DGKI: variants seen among roughly 807,000 people sequenced by gnomAD.
The protein encoded by DGKI is DAG kinase iota.
A neutral mutation model predicts 147.5 loss-of-function variants in DGKI; 55 were observed. That is an observed-to-expected ratio of 0.37 (90% CI 0.30 to 0.47). DGKI has a LOEUF of 0.47. DGKI is among the 20% of genes least tolerant of loss of function. DGKI has a pLI of 1.00. For synonymous variants in DGKI, 469 were observed against 477.1 expected (o/e 0.98, Z 0.22); for missense variants, 1,007 against 1,323.8 (o/e 0.76, Z 3.71).
chr7:137,840,134 G>A (rs1798505227), intron 1 of DGKI, among the ~76,000 whole-genome samples: 2 of 152,200 alleles, frequency 1.3e-5, no homozygotes, highest in South Asian at 2.1e-4. Flanking sequence ...CAGGACACTC[G>A]TGAGCCATTC....
At chr7:137,834,135 A>G (rs1187476642) in intron 1 of DGKI, among the ~76,000 whole-genome samples, 2 of 152,214 alleles carry the variant, frequency 1.3e-5, no homozygotes, top group African/African-American at 4.8e-5. Context: ...AGTTCTTGGC[A>G]AGTAGGACCT....
intron 21 of DGKI, among the ~76,000 whole-genome samples, chr7:137,520,399 G>A (rs1041250682): frequency 6.6e-6 from 1 of 151,940 alleles, no homozygotes; most frequent in Non-Finnish European, 1.5e-5. Flanking sequence ...ACTTCCCATC[G>A]CAAAAATATA....
intron 24 of DGKI, among the ~76,000 whole-genome samples, chr7:137,469,075 T>A (rs192585244): frequency 6.6e-6 from 1 of 152,220 alleles, no homozygotes; most frequent in African/African-American, 2.4e-5. Flanking sequence ...CAATATATCA[T>A]GCGGATCTGA....
In DGKI at chr7:137,565,037, A is replaced by G. The variant is rs1378974091; in HGVS notation, c.1947+6138T>C. Among the ~76,000 whole-genome samples the G allele has an allele frequency of 2.0e-5, 3 of 152,384 alleles. No homozygotes were observed. In the East Asian group the frequency reaches 5.8e-4, roughly 29 times the overall value. The stretch of plus-strand genomic sequence containing the variant: ...AAAAATAATTCTATAATTTTTAGTA[A>G]GAGGCTTCAAAATGCTTATGTCATT... On this transcript the variant is annotated intron_variant, in intron 19 of 32. Coordinates refer to ENST00000614521, the MANE Select transcript of DGKI (RefSeq NM_001321708.2).
chr7:137,638,185 ACTC>A (rs1563124830), intron 6 of DGKI, among the ~76,000 whole-genome samples: 1 of 150,618 alleles, frequency 6.6e-6, no homozygotes, highest in South Asian at 2.1e-4. Flanking sequence ...TGGCTTCACA[ACTC>A]CTCCTTTTCA....
chr7:137,443,077 T>C (rs1263168492), intron 28 of DGKI, among the ~76,000 whole-genome samples: 1 of 152,090 alleles, frequency 6.6e-6, no homozygotes, highest in Non-Finnish European at 1.5e-5. Flanking sequence ...GATGTAGAAT[T>C]AGATGTATTG....
intron 10 of DGKI, among the ~76,000 whole-genome samples, chr7:137,606,420 C>A (rs1820187497): frequency 1.3e-5 from 2 of 152,004 alleles, no homozygotes; most frequent in South Asian, 4.2e-4. Flanking sequence ...TATTAAAAGG[C>A]AAAACTCAAG....
chr7:137,611,016 A>C (rs1820345258), intron 8 of DGKI, among the ~76,000 whole-genome samples: 1 of 152,162 alleles, frequency 6.6e-6, no homozygotes, highest in South Asian at 2.1e-4. Context: ...GTCATTCCTC[A>C]TCACTCACTG....
At chr7:137,840,295 A>T (rs1585556899) in intron 1 of DGKI, among the ~76,000 whole-genome samples, 2 of 152,218 alleles carry the variant, frequency 1.3e-5, no homozygotes, top group South Asian at 4.1e-4. Context: ...AGTCAATCAG[A>T]TGAGCTGGAA....
At chr7:137,810,777 A>T (rs1249887392) in intron 1 of DGKI, among the ~76,000 whole-genome samples, 2 of 152,120 alleles carry the variant, frequency 1.3e-5, no homozygotes, top group Non-Finnish European at 2.9e-5. Context: ...TGTGGCAAAT[A>T]AACATTCCAT....
chr7:137,745,085 CT>C (rs1256970584), intron 1 of DGKI, among the ~76,000 whole-genome samples: 4 of 152,092 alleles, frequency 2.6e-5, no homozygotes, highest in East Asian at 1.9e-4. Context: ...CACGTGCCCC[CT>C]GAATCTAAAA....
chr7:137,808,095 A>G (rs753168075), intron 1 of DGKI, among the ~76,000 whole-genome samples: 3 of 152,156 alleles, frequency 2.0e-5, no homozygotes, highest in Admixed American at 1.3e-4. Flanking sequence ...CCAGTTGTTC[A>G]TGTTGATATT....
chr7:137,765,444 T>C (rs1443681840), intron 1 of DGKI, among the ~76,000 whole-genome samples: 1 of 152,272 alleles, frequency 6.6e-6, no homozygotes, highest in African/African-American at 2.4e-5. Flanking sequence ...TCCAGTTTTG[T>C]GTCTGCCACA....
At chr7:137,481,353 T>G (rs1215683485) in intron 23 of DGKI, among the ~76,000 whole-genome samples, 1 of 152,118 alleles carries the variant, frequency 6.6e-6, no homozygotes, top group Non-Finnish European at 1.5e-5. Flanking sequence ...TCAAAGTAGG[T>G]GGCCTCAGAA....
intron 14 of DGKI, among the ~76,000 whole-genome samples, chr7:137,582,856 C>A: frequency 6.6e-6 from 1 of 152,222 alleles, no homozygotes; most frequent in Admixed American, 6.5e-5. Context: ...TTTCCTTCTG[C>A]GACTCAAGTG....
At chr7:137,507,673 TGG>T (rs1816414894) in intron 21 of DGKI, among the ~76,000 whole-genome samples, 1 of 152,186 alleles carries the variant, frequency 6.6e-6, no homozygotes, top group Non-Finnish European at 1.5e-5. Context: ...TTTCTGGTGC[TGG>T]GGACAACTCT....
chr7:137,665,484 G>C (rs142652043), intron 3 of DGKI, among the ~76,000 whole-genome samples: 2,033 of 152,284 alleles, frequency 0.013, 31 homozygotes, highest in South Asian at 0.05. Flanking sequence ...TATTATGGTT[G>C]GAATTGCCTC....
At chr7:137,638,428 C>CTATATATATA (rs141779868) in intron 6 of DGKI, among the ~76,000 whole-genome samples, 3 of 98,464 alleles carry the variant, frequency 3.0e-5, no homozygotes, top group African/African-American at 1.5e-4. Context: ...GCAAGAACAA[C>CTATATATATA]TATATATATA....
chr7:137,639,252 G>A (rs766940138), intron 6 of DGKI, among the ~76,000 whole-genome samples: 24 of 152,100 alleles, frequency 1.6e-4, no homozygotes, highest in African/African-American at 4.3e-4. Context: ...AATCAAAACC[G>A]GAGATTTATC....
Sources: gnomAD v4.1 joint callset for allele counts (sites outside exome capture counted in the v4.1 genomes callset) on GRCh38, gnomAD v4.1.1 for gene constraint, MANE v1.5 for transcripts, NCBI Gene and HGNC (gene_info 2026-07-23, HGNC 2026-07-21) for gene names.